The following PPP2R5E variants were observed in gnomAD, a reference collection of about 807,000 sequenced individuals.
PPP2R5E encodes protein phosphatase 2 regulatory subunit B'epsilon.
PPP2R5E carries 4 observed loss-of-function variants against 65.3 expected under a neutral mutation model. The ratio of observed to expected loss-of-function variants is 0.06; its 90% CI spans 0.03 to 0.14. The LOEUF is 0.14. Ranked by LOEUF, PPP2R5E falls within the 10% of genes least tolerant of loss-of-function variation. The pLI is 1.00. For synonymous variants in PPP2R5E, 183 were observed against 187.4 expected, an observed-to-expected ratio of 0.98 and a Z score of 0.19; for missense variants, 274 against 556.1, an observed-to-expected ratio of 0.49 and a Z score of 5.10.
chr14:63,475,085 C>G (rs1241149760), intron 2 of PPP2R5E, among the ~76,000 whole-genome samples: 1 of 152,244 alleles, frequency 6.6e-6, no homozygotes, highest in African/African-American at 2.4e-5. Flanking sequence ...AAGCGATGAT[C>G]AAGGCAGATC....
chr14:63,410,217 C>T (rs1477176758), intron 5 of PPP2R5E, among the ~76,000 whole-genome samples: 1 of 152,072 alleles, frequency 6.6e-6, no homozygotes, highest in Non-Finnish European at 1.5e-5. Flanking sequence ...TTTGAGACCA[C>T]TGAAAACCCA....
intron 3 of PPP2R5E, among the ~76,000 whole-genome samples, chr14:63,432,182 A>G (rs1468570463): frequency 6.6e-6 from 1 of 151,980 alleles, no homozygotes; most frequent in Non-Finnish European, 1.5e-5. Context: ...ATTTTTATTT[A>G]TATTTCCTGC....
intron 10 of PPP2R5E, 23 bp from the exon 11 acceptor site, chr14:63,389,754 AGATGTGAG>A (rs1269947773): frequency 6.4e-7 from 1 of 1,565,228 alleles, no homozygotes; most frequent in African/African-American, 1.4e-5. Context: ...GCAAAATACA[AGATGTGAG>A]GCACATCATG....
chr14:63,484,347 T>TCTCTCACACA (rs758248092), intron 2 of PPP2R5E, among the ~76,000 whole-genome samples: 103 of 139,672 alleles, frequency 7.4e-4, no homozygotes, highest in Middle Eastern at 3.5e-3. Context: ...TCTCTCTCTC[T>TCTCTCACACA]CACACACACA....
chr14:63,498,872 C>A lies in PPP2R5E; in HGVS notation c.157+40657G>T, dbSNP rs571671484. Among the ~76,000 whole-genome samples the A allele has an allele frequency of 3.9e-5, 6 of 152,064 alleles. 1 individual carries two copies. Among genetic ancestry groups the A allele is most frequent in the African/African-American group, 1.4e-4 (6 of 41,488 alleles). ...GCATTCGTGGCCCAAAATTAGAAAC[C>A]ACTGGCAGAGACTATGAAATATAAA... On this transcript the variant is annotated intron_variant, in intron 2 of 13. Coordinates refer to ENST00000337537, the MANE Select transcript of PPP2R5E (RefSeq NM_006246.5).
At chr14:63,525,589 A>C (rs1893156351) in intron 2 of PPP2R5E, among the ~76,000 whole-genome samples, 1 of 152,178 alleles carries the variant, frequency 6.6e-6, no homozygotes, top group Non-Finnish European at 1.5e-5. Flanking sequence ...AACTCCTTTG[A>C]GAATCTGATG....
At chr14:63,519,713 G>C (rs1002609413) in intron 2 of PPP2R5E, among the ~76,000 whole-genome samples, 9 of 150,732 alleles carry the variant, frequency 6.0e-5, no homozygotes, top group African/African-American at 4.9e-5. Flanking sequence ...CGAGGCTGGA[G>C]TGCAGCGGCG....
Position 63,453,740 on chromosome 14 carries a change from T to C in PPP2R5E, c.303A>G (p.Thr101=). The change falls in exon 3 of 14, where the codon ACA becomes ACG. Residue 101 remains threonine, a synonymous_variant. Coordinates refer to ENST00000337537, the MANE Select transcript of PPP2R5E (RefSeq NM_006246.5). ...GCTCTGTCAAACAGCCTCTGCTTAT[T>C]GTAATGTAGTCCACCAGTTCATTAA... The part of the protein sequence containing the change: ...STLNELVDYI[T]ISRGCLTEQT... 1.9e-6 allele frequency: 3 copies of C among 1,613,842 alleles called. No individual in the cohort carries two copies. The highest frequency in any genetic ancestry group is 2.5e-6 in the Non-Finnish European group (3 of 1,179,924).
At chr14:63,459,746 A>G (rs1889352337) in intron 2 of PPP2R5E, among the ~76,000 whole-genome samples, 1 of 152,166 alleles carries the variant, frequency 6.6e-6, no homozygotes, top group Non-Finnish European at 1.5e-5. Context: ...TGATTTCAGT[A>G]TGTCACTACG....
In PPP2R5E at chr14:63,375,760, TA is replaced by T. The variant is rs1883951288; in HGVS notation, c.*248del. 2 of 262,860 alleles carry T rather than the reference TA, an allele frequency of 7.6e-6. No homozygotes were observed. The highest frequency in any genetic ancestry group is 2.4e-5 in the African/African-American group (1 of 41,968). 16.3% of individuals were successfully genotyped at this position (262,860 alleles called of 1,614,324 possible). On this transcript the variant is annotated 3_prime_UTR_variant, in exon 14 of 14. Transcript: ENST00000337537. ...ATCTTTGAAGACCGATTTTTTTTTT[TA>T]AAAGAGGGTGAGAACAATGATTATG... is the stretch of plus-strand genomic sequence containing the variant.
intron 11 of PPP2R5E, among the ~76,000 whole-genome samples, chr14:63,386,838 C>T (rs1371897714): frequency 9.2e-5 from 14 of 151,460 alleles, no homozygotes; most frequent in African/African-American, 2.9e-4. Flanking sequence ...GCACAAGAAT[C>T]GCTTGAACCC....
At chr14:63,504,782 C>G (rs1455003214) in intron 2 of PPP2R5E, among the ~76,000 whole-genome samples, 1 of 151,906 alleles carries the variant, frequency 6.6e-6, no homozygotes, top group Non-Finnish European at 1.5e-5. Flanking sequence ...CAGGGCATAG[C>G]ATAAAATATG....
intron 5 of PPP2R5E, among the ~76,000 whole-genome samples, chr14:63,401,142 A>G (rs1885730585): frequency 6.6e-6 from 1 of 152,132 alleles, no homozygotes; most frequent in Admixed American, 6.6e-5. Flanking sequence ...GTATTAAACT[A>G]TTTTTCTGCT....
intron 2 of PPP2R5E, among the ~76,000 whole-genome samples, chr14:63,517,941 A>ATTATG (rs1295287927): frequency 6.6e-6 from 1 of 152,220 alleles, no homozygotes; most frequent in Non-Finnish European, 1.5e-5. Flanking sequence ...ATTCTATTGC[A>ATTATG]TTATGTTCCC....
chr14:63,422,553 C>T (rs1887086021), intron 3 of PPP2R5E, among the ~76,000 whole-genome samples: 3 of 151,940 alleles, frequency 2.0e-5, no homozygotes, highest in African/African-American at 4.8e-5. Context: ...AGTGAAACCC[C>T]GTCGCTACTA....
chr14:63,491,829 A>G (rs528377834), intron 2 of PPP2R5E, among the ~76,000 whole-genome samples: 1 of 152,296 alleles, frequency 6.6e-6, no homozygotes, highest in South Asian at 2.1e-4. Flanking sequence ...TCTGGGTGAC[A>G]AGAATGAAAC....
intron 2 of PPP2R5E, among the ~76,000 whole-genome samples, chr14:63,512,147 A>T (rs113021274): frequency 6.6e-6 from 1 of 151,768 alleles, no homozygotes; most frequent in African/African-American, 2.4e-5. Flanking sequence ...CACCAATACA[A>T]TGTATCTTTT....
intron 11 of PPP2R5E, among the ~76,000 whole-genome samples, chr14:63,389,084 T>C (rs1369319394): frequency 6.6e-6 from 1 of 151,498 alleles, no homozygotes; most frequent in East Asian, 1.9e-4. Context: ...AATTTGACTC[T>C]ACTCTCTATT....
intron 2 of PPP2R5E, among the ~76,000 whole-genome samples, chr14:63,531,520 T>C (rs1299108432): frequency 6.6e-6 from 1 of 152,148 alleles, no homozygotes; most frequent in Non-Finnish European, 1.5e-5. Flanking sequence ...CACTTGCTTT[T>C]GTGCAAGATC....
Sources: allele counts gnomAD v4.1 joint callset (sites outside exome capture counted in the v4.1 genomes callset), GRCh38; gene constraint gnomAD v4.1.1; transcripts MANE v1.5; gene names NCBI Gene and HGNC (gene_info 2026-07-23, HGNC 2026-07-21).